Variants in WDR35 observed in about 807,000 individuals in gnomAD.
WDR35 encodes WD repeat-containing protein 35.
Under a neutral mutation model 158.3 loss-of-function variants are expected in WDR35, and 118 were observed. That is an observed-to-expected ratio of 0.75 (90% CI 0.64 to 0.87). The LOEUF (loss-of-function observed/expected upper bound fraction) is 0.87. WDR35 is among the 40% of genes least tolerant of loss of function. The probability of loss-of-function intolerance (pLI) is 0.00; values close to 1 mark genes in which losing one functional copy is unlikely to be tolerated. For synonymous variants in WDR35, 448 were observed against 476.1 expected (o/e 0.94, Z 0.77); for missense variants, 1,263 against 1,405.8 (o/e 0.90, Z 1.62).
chr2:19,929,119 A>G (rs1426793421), intron 25 of WDR35, among the ~76,000 whole-genome samples: 1 of 152,188 alleles, frequency 6.6e-6, no homozygotes, highest in African/African-American at 2.4e-5. Flanking sequence ...GGAAGATACT[A>G]TTATCCTTTC....
intron 16 of WDR35, among the ~76,000 whole-genome samples, chr2:19,944,235 T>C (rs915603859): frequency 1.3e-5 from 2 of 152,132 alleles, no homozygotes; most frequent in African/African-American, 4.8e-5. Context: ...GAAATCCATC[T>C]AGCTCTAAAT....
chr2:19,979,529 T>C (rs1422863623), intron 4 of WDR35, among the ~76,000 whole-genome samples: 1 of 152,232 alleles, frequency 6.6e-6, no homozygotes, highest in African/African-American at 2.4e-5. Flanking sequence ...GTAACTTGTC[T>C]TTTAGCATAA....
At chr2:19,988,870 T>C (rs1045740644) in intron 2 of WDR35, among the ~76,000 whole-genome samples, 13 of 152,232 alleles carry the variant, frequency 8.5e-5, no homozygotes, top group African/African-American at 3.1e-4. Flanking sequence ...GGATTTCTTT[T>C]AGACTCCTAA....
At chr2:19,930,609 C>A in intron 24 of WDR35, 57 bp from the exon 25 acceptor site, 1 of 1,609,288 alleles carries the variant, frequency 6.2e-7, no homozygotes, top group Non-Finnish European at 8.5e-7. Flanking sequence ...ACAGTGTCAA[C>A]TCCCAAATAA....
At chr2:19,966,646 G>A in intron 10 of WDR35, 78 bp downstream of exon 10, 2 of 1,520,108 alleles carry the variant, frequency 1.3e-6, no homozygotes, top group Non-Finnish European at 1.8e-6. Flanking sequence ...CCAGTGTAGA[G>A]GCCATGCTTG....
At chr2:19,960,486 T>C in intron 11 of WDR35, 68 bp downstream of exon 11, 1 of 1,279,572 alleles carries the variant, frequency 7.8e-7, no homozygotes, top group Non-Finnish European at 1.1e-6. Context: ...ATACCAGTGT[T>C]AGGTTTTTAA....
At chr2:19,948,259 A>G in intron 13 of WDR35, 42 bp from the exon 14 acceptor site, 2 of 1,526,988 alleles carry the variant, frequency 1.3e-6, no homozygotes, top group Non-Finnish European at 9.0e-7. Flanking sequence ...ACAAACATTT[A>G]TTGAATAACT....
At position 19,913,511 on chromosome 2, in the gene WDR35, T is replaced by A; in HGVS notation, c.*47A>T. 1 of 1,586,976 alleles carries A rather than the reference T, an allele frequency of 6.3e-7. No individual in the cohort carries two copies. Among genetic ancestry groups the A allele is most frequent in the Non-Finnish European group, 8.7e-7 (1 of 1,155,280 alleles). ...ATTACATATACAGCATATAGCCATG[T>A]ATATATGCTACATATATTTTACAGT... On this transcript the variant is annotated 3_prime_UTR_variant, in exon 27 of 27. Coordinates refer to ENST00000281405, the MANE Select transcript of WDR35 (RefSeq NM_020779.4).
At position 19,931,222 on chromosome 2, in the gene WDR35, T is replaced by C. The variant is rs779648544; in HGVS notation, c.2964+47A>G. On this transcript the variant is annotated intron_variant, in intron 24 of 26. Coordinates refer to ENST00000281405, the MANE Select transcript of WDR35 (RefSeq NM_020779.4). ...GTTTAATAGTTTCTTTTTTTTTTTT[T>C]CTTAAACACTTCCAATGATGTAATG... 1.2e-5 allele frequency: 19 copies of C among 1,587,466 alleles called. No homozygotes were observed. In the Admixed American group the frequency reaches 1.4e-4, roughly 12 times the overall value.
chr2:19,921,420 G>A (rs1019045517), intron 25 of WDR35, among the ~76,000 whole-genome samples: 27 of 152,098 alleles, frequency 1.8e-4, no homozygotes, highest in South Asian at 4.1e-4. Context: ...CAGAAACAAC[G>A]CCAAACATCT....
At chr2:19,989,697 T>C (rs931209800) in intron 1 of WDR35, among the ~76,000 whole-genome samples, 1 of 151,966 alleles carries the variant, frequency 6.6e-6, no homozygotes, top group Non-Finnish European at 1.5e-5. Context: ...CAGCAACAAG[T>C]GGAGGAGGAA....
At position 19,938,334 on chromosome 2, in the gene WDR35, G is replaced by A. The variant is rs1386456573; in HGVS notation, c.1994C>T (p.Ala665Val). ...FEIRSLRDSR[A>V]LIEKVGIKDA... Reference sequence around the variant, plus strand: ...TTTAATTCCAACCTTCTCAATCAGTGCTCGGCTATCTCGCAGAGACCGAAT... The same window carrying A: ...TTTAATTCCAACCTTCTCAATCAGTACTCGGCTATCTCGCAGAGACCGAAT... Residue 665 changes from alanine (A) to valine (V), a missense_variant, in exon 18 of 27, where the codon GCA becomes GTA. By Grantham distance (64) the Ala-to-Val change is moderately conservative. Coordinates refer to ENST00000281405, the MANE Select transcript of WDR35 (RefSeq NM_020779.4). The A allele has an allele frequency of 8.1e-6, 13 of 1,613,966 alleles. No homozygotes were observed. The highest frequency in any genetic ancestry group is 1.1e-5 in the Non-Finnish European group (13 of 1,179,964).
At chr2:19,924,931 T>A (rs1265099490) in intron 25 of WDR35, among the ~76,000 whole-genome samples, 1 of 152,164 alleles carries the variant, frequency 6.6e-6, no homozygotes, top group African/African-American at 2.4e-5. Flanking sequence ...AAAAAGGACA[T>A]TGGGCTAATC....
chr2:19,938,733 A>T (rs1310269803), intron 17 of WDR35, among the ~76,000 whole-genome samples: 1 of 152,176 alleles, frequency 6.6e-6, no homozygotes, highest in Admixed American at 6.5e-5. Context: ...TGTCTCAAAG[A>T]TTCAGCACAA....
intron 16 of WDR35, among the ~76,000 whole-genome samples, chr2:19,944,892 C>T (rs1446504035): frequency 2.0e-5 from 3 of 152,114 alleles, no homozygotes; most frequent in Non-Finnish European, 4.4e-5. Flanking sequence ...CATGCAATTT[C>T]TTCCCAAGAA....
intron 25 of WDR35, among the ~76,000 whole-genome samples, chr2:19,926,731 G>T (rs1572318519): frequency 6.6e-6 from 1 of 151,862 alleles, no homozygotes; most frequent in East Asian, 1.9e-4. Flanking sequence ...CTAGTTTGGT[G>T]GAGAGATCTG....
rs1572375239 is a variant in WDR35, at chr2:19,989,207, C to T, written c.100G>A (p.Glu34Lys). 1 of 1,614,204 alleles carries T rather than the reference C, an allele frequency of 6.2e-7. No homozygotes were observed. The highest frequency in any genetic ancestry group is 8.5e-7 in the Non-Finnish European group (1 of 1,180,042). ...TTCAAAACTTTCAGTAATCCATCTT[C>T]ACCACCGCATGCTATGAACCCTTGT... Reference protein sequence around the residue: ...KEQGFIACGGEDGLLKVLKLE... With the variant: ...KEQGFIACGGKDGLLKVLKLE... The change falls in exon 2 of 27, where the codon GAA becomes AAA. Residue 34 changes from glutamate to lysine, a missense_variant. Coordinates refer to ENST00000281405, the MANE Select transcript of WDR35 (RefSeq NM_020779.4).
intron 13 of WDR35, among the ~76,000 whole-genome samples, chr2:19,950,838 T>C (rs564210945): frequency 1.5e-5 from 2 of 136,802 alleles, no homozygotes; most frequent in East Asian, 3.9e-4. Flanking sequence ...TCTAACAGTT[T>C]TCTAACCTGT....
chr2:19,935,410 A>G, intron 21 of WDR35, 61 bp downstream of exon 21: 2 of 1,575,322 alleles, frequency 1.3e-6, no homozygotes, highest in Non-Finnish European at 1.7e-6. Flanking sequence ...TTTCCTGACT[A>G]TAACATAAAA....
Sources: allele counts gnomAD v4.1 joint callset (sites outside exome capture counted in the v4.1 genomes callset), GRCh38; gene constraint gnomAD v4.1.1; transcripts MANE v1.5; gene names NCBI Gene and HGNC (gene_info 2026-07-23, HGNC 2026-07-21).